Variants in AP3B1 observed in about 807,000 individuals in gnomAD.
The protein encoded by AP3B1 is AP-3 complex subunit beta-1.
A neutral mutation model predicts 132.5 loss-of-function variants in AP3B1; 61 were observed. That is an observed-to-expected ratio of 0.46 (90% CI 0.37 to 0.57). The LOEUF (loss-of-function observed/expected upper bound fraction) is 0.57, where lower values mean the gene tolerates loss of function less well. Among genes scored for constraint, AP3B1 ranks in the 20% least tolerant of loss-of-function variants. AP3B1 has a pLI of 0.00. For synonymous variants in AP3B1, 388 were observed against 438.3 expected, an observed-to-expected ratio of 0.89 and a Z score of 1.43; for missense variants, 1,120 against 1,289.4, an observed-to-expected ratio of 0.87 and a Z score of 2.01.
chr5:78,271,716 GC>G (rs1479993296), intron 1 of AP3B1, among the ~76,000 whole-genome samples: 2 of 152,148 alleles, frequency 1.3e-5, no homozygotes, highest in Non-Finnish European at 2.9e-5. Flanking sequence ...TTCCTAAGGG[GC>G]CTGAGGAGTC....
chr5:78,036,587 T>TA (rs922205831), intron 23 of AP3B1, among the ~76,000 whole-genome samples: 37 of 151,940 alleles, frequency 2.4e-4, no homozygotes, highest in African/African-American at 8.0e-4. Context: ...CTTTGTGTCT[T>TA]AAAAAAAACC....
At chr5:78,184,700 C>A (rs113206272) in intron 7 of AP3B1, among the ~76,000 whole-genome samples, 3,824 of 138,482 alleles carry the variant, frequency 0.028, 222 homozygotes, top group African/African-American at 0.11. Context: ...AAAAAAAAAA[C>A]AGAGTCTCAG....
intron 7 of AP3B1, among the ~76,000 whole-genome samples, chr5:78,186,466 G>T (rs1388989843): frequency 1.3e-5 from 2 of 152,158 alleles, no homozygotes; most frequent in African/African-American, 4.8e-5. Flanking sequence ...AGTCGGTTTG[G>T]CTATGAAACG....
chr5:78,172,712 T>A (rs1317241382), intron 11 of AP3B1, among the ~76,000 whole-genome samples: 2 of 152,270 alleles, frequency 1.3e-5, no homozygotes, highest in South Asian at 4.1e-4. Flanking sequence ...TTTCGAAGGG[T>A]TTTTCGTTAT....
intron 17 of AP3B1, among the ~76,000 whole-genome samples, chr5:78,122,846 C>CT (rs1752282281): frequency 1.3e-5 from 2 of 152,216 alleles, no homozygotes; most frequent in Non-Finnish European, 2.9e-5. Context: ...GAAAAAACTA[C>CT]TTTAAAGTTC....
intron 22 of AP3B1, among the ~76,000 whole-genome samples, chr5:78,048,922 C>A (rs142416264): frequency 6.6e-4 from 101 of 152,268 alleles, no homozygotes; most frequent in Middle Eastern, 3.4e-3. Flanking sequence ...ATGCCCCCTT[C>A]CCCCACTTTC....
At chr5:78,128,245 G>A in intron 16 of AP3B1, 85 bp from the exon 17 acceptor site, 2 of 1,212,906 alleles carry the variant, frequency 1.6e-6, no homozygotes, top group Non-Finnish European at 2.3e-6. Flanking sequence ...CAAGGTAATT[G>A]GCATATTACC....
chr5:78,057,631 C>T (rs973965923), intron 22 of AP3B1, among the ~76,000 whole-genome samples: 2 of 152,048 alleles, frequency 1.3e-5, no homozygotes, highest in African/African-American at 2.4e-5. Flanking sequence ...TAGTGCTCCC[C>T]TTACTTTTTG....
chr5:78,211,009 T>C (rs554048747), intron 7 of AP3B1, among the ~76,000 whole-genome samples: 1 of 152,250 alleles, frequency 6.6e-6, no homozygotes, highest in East Asian at 1.9e-4. Flanking sequence ...CCACATGGAC[T>C]GCAAAGAGTA....
intron 17 of AP3B1, among the ~76,000 whole-genome samples, chr5:78,117,719 C>G (rs897838175): frequency 6.6e-6 from 1 of 152,160 alleles, no homozygotes; most frequent in East Asian, 1.9e-4. Flanking sequence ...AAAATACTGA[C>G]TTTAGTGTTT....
chr5:78,281,209 T>C (rs1580588444), intron 1 of AP3B1, among the ~76,000 whole-genome samples: 1 of 152,060 alleles, frequency 6.6e-6, no homozygotes, highest in South Asian at 2.1e-4. Context: ...CCAAGGCAGG[T>C]GGATCACCTG....
At chr5:78,057,758 C>T (rs1748878683) in intron 22 of AP3B1, among the ~76,000 whole-genome samples, 1 of 152,162 alleles carries the variant, frequency 6.6e-6, no homozygotes, top group South Asian at 2.1e-4. Flanking sequence ...TTACTACCCA[C>T]AATGCAATGC....
At chr5:78,089,111 G>C (rs1405185470) in intron 22 of AP3B1, 1 of 359,084 alleles carries the variant, frequency 2.8e-6, no homozygotes, top group East Asian at 6.5e-5. Flanking sequence ...TATATGTACT[G>C]CGTCAATGTG....
At chr5:78,279,907 A>AATATATATATATGACTTAAAAAT (rs1554035367) in intron 1 of AP3B1, among the ~76,000 whole-genome samples, 86 of 114,376 alleles carry the variant, frequency 7.5e-4, no homozygotes, top group Admixed American at 5.6e-4. Flanking sequence ...ATATGACTTA[A>AATATATATATATGACTTAAAAAT]ATATATATAT....
intron 22 of AP3B1, among the ~76,000 whole-genome samples, chr5:78,077,199 A>T (rs1309035315): frequency 6.6e-6 from 1 of 152,134 alleles, no homozygotes; most frequent in African/African-American, 2.4e-5. Context: ...TTTTGAAATG[A>T]TCACTTTTCT....
At chr5:78,122,685 T>G (rs377262912) in intron 17 of AP3B1, among the ~76,000 whole-genome samples, 151 of 152,060 alleles carry the variant, frequency 9.9e-4, no homozygotes, top group Non-Finnish European at 1.4e-3. Flanking sequence ...CACTGCTCAA[T>G]GAAATAAAAG....
intron 1 of AP3B1, among the ~76,000 whole-genome samples, chr5:78,290,570 C>T (rs190830944): frequency 1.1e-3 from 157 of 148,978 alleles, no homozygotes; most frequent in African/African-American, 3.7e-3. Context: ...GGCACACATA[C>T]CCAAATTGGT....
chr5:78,025,351 G>C (rs993228679), intron 24 of AP3B1, among the ~76,000 whole-genome samples: 1 of 152,184 alleles, frequency 6.6e-6, no homozygotes, highest in African/African-American at 2.4e-5. Flanking sequence ...GCCTTCTAAG[G>C]CATCTATGAA....
At chr5:78,208,456 TCA>T (rs1745602107) in intron 7 of AP3B1, among the ~76,000 whole-genome samples, 1 of 152,110 alleles carries the variant, frequency 6.6e-6, no homozygotes, top group South Asian at 2.1e-4. Context: ...CCTCTAATCA[TCA>T]CACATGCATT....
Sources: gnomAD v4.1 joint callset for allele counts (sites outside exome capture counted in the v4.1 genomes callset) on GRCh38, gnomAD v4.1.1 for gene constraint, MANE v1.5 for transcripts, NCBI Gene and HGNC (gene_info 2026-07-23, HGNC 2026-07-21) for gene names.